C3: variants seen among roughly 807,000 people sequenced by gnomAD.
C3 encodes the protein complement C3.
A neutral mutation model predicts 207.9 loss-of-function variants in C3; 97 were observed. That is an observed-to-expected ratio of 0.47 (90% CI 0.40 to 0.55). The LOEUF (loss-of-function observed/expected upper bound fraction) is 0.55, where lower values mean the gene tolerates loss of function less well. C3 is among the 20% of genes least tolerant of loss of function. The pLI, the probability that C3 is intolerant of heterozygous loss-of-function variation, is 0.00. For synonymous variants in C3, 848 were observed against 857.6 expected (o/e 0.99, Z 0.20); for missense variants, 1,684 against 2,171.7 (o/e 0.78, Z 4.46).
At chr19:6,694,744 C>T in intron 23 of C3, 110 bp from the exon 24 acceptor site, 1 of 936,274 alleles carries the variant, frequency 1.1e-6, no homozygotes, top group East Asian at 2.6e-5. Flanking sequence ...GGGTTAGGGA[C>T]AGGCGAGGAC....
Position 6,697,720 on chromosome 19 carries a change from C to G in C3, c.2515G>C (p.Val839Leu). ...ATTTCCACCTGCTCGTTTCGAACAA[C>G]AGAGTAGGGTAGCCGCAGGTCGATG... ...FFIDLRLPYSVVRNEQVEIRA... is the reference protein window; with the variant it reads ...FFIDLRLPYSLVRNEQVEIRA... Residue 839 changes from valine (V) to leucine (L), a missense_variant, in exon 20 of 41, where the codon GTT becomes CTT. Physicochemically the swap from Val to Leu is conservative, Grantham distance 32. Around this residue, in one of 3 missense-constraint regions of C3, gnomAD observed 1,280 missense variants for 1,739.1 expected, o/e 0.74. Coordinates refer to ENST00000245907, the MANE Select transcript of C3 (RefSeq NM_000064.4). 2 of 1,614,024 alleles carry G rather than the reference C, an allele frequency of 1.2e-6. No individual in the cohort carries two copies. The highest frequency in any genetic ancestry group is 1.7e-6 in the Non-Finnish European group (2 of 1,180,002).
Position 6,713,391 on chromosome 19 carries a change from C to A in C3, c.876+16G>T, listed in dbSNP as rs764369974. ...GGGACTGGGGCAGGGATCAAAGCGGCCTCCGTCTATGGTACCGGAATGCGC... is the reference window on the plus strand; with the variant it reads ...GGGACTGGGGCAGGGATCAAAGCGGACTCCGTCTATGGTACCGGAATGCGC... On this transcript the variant is annotated intron_variant, in intron 8 of 40. Transcript: ENST00000245907. 3.1e-6 allele frequency: 5 copies of A among 1,613,568 alleles called. No individual in the cohort carries two copies. Among genetic ancestry groups the A allele is most frequent in the Admixed American group, 1.7e-5 (1 of 59,982 alleles).
rs1967571402 is a variant in C3, at chr19:6,697,771, C to T, written c.2464G>A (p.Glu822Lys). ...KKGICVADPF[E>K]VTVMQDFFID... is the part of the protein sequence containing the mutation. ...AAGAAGTCCTGCATTACTGTGACCT[C>T]GAAGGGGTCTGCCACACAGATCCCT... is the stretch of plus-strand genomic sequence containing the variant. The change falls in exon 20 of 41, where the codon GAG (glutamate) becomes AAG (lysine). Residue 822 changes from glutamate to lysine, a missense_variant. Physicochemically the swap from Glu to Lys is moderately conservative, Grantham distance 56. This residue lies in a region of C3 where 1,280 missense variants were observed against 1,739.1 expected (regional missense o/e 0.74). Coordinates refer to ENST00000245907, the MANE Select transcript of C3 (RefSeq NM_000064.4). 31 of 1,613,562 alleles carry T rather than the reference C, an allele frequency of 1.9e-5. No homozygotes were observed. The highest frequency in any genetic ancestry group is 2.4e-5 in the Non-Finnish European group (28 of 1,179,906).
chr19:6,691,756 G>A (rs566690288), intron 26 of C3, among the ~76,000 whole-genome samples: 15 of 152,146 alleles, frequency 9.9e-5, no homozygotes, highest in East Asian at 5.8e-4. Flanking sequence ...AGGCCAAGGT[G>A]GGCGGATCAC....
At chr19:6,682,261 C>G (rs1472901832) in intron 33 of C3, 32 bp from the exon 34 acceptor site, 1 of 1,559,696 alleles carries the variant, frequency 6.4e-7, no homozygotes, top group South Asian at 1.1e-5. Flanking sequence ...GCATTGGGTC[C>G]CAAGGAGGGG....
intron 19 of C3, 27 bp downstream of exon 19, chr19:6,702,100 C>G (rs111594143): frequency 7.4e-7 from 1 of 1,347,872 alleles, no homozygotes; most frequent in South Asian, 1.2e-5. Flanking sequence ...CCCTGCCTCC[C>G]GGGGACCAGC....
intron 27 of C3, among the ~76,000 whole-genome samples, chr19:6,687,433 T>C (rs956434296): frequency 6.6e-6 from 1 of 152,230 alleles, no homozygotes; most frequent in Admixed American, 6.5e-5. Context: ...TACCCACACA[T>C]TTAATCTCAT....
At chr19:6,708,458 TTTTC>T (rs920747209) in intron 14 of C3, among the ~76,000 whole-genome samples, 65 of 151,910 alleles carry the variant, frequency 4.3e-4, no homozygotes, top group Admixed American at 1.1e-3. Context: ...CTTCTTTTTC[TTTTC>T]TTTCTGTCTT....
chr19:6,703,016 A>C (rs1967706120), intron 17 of C3: 1 of 201,296 alleles, frequency 5.0e-6, no homozygotes, highest in African/African-American at 2.3e-5. Flanking sequence ...CCCAGGCGAC[A>C]GAGACAGACT....
intron 4 of C3, chr19:6,717,787 GTGT>G (rs1968070605): frequency 3.8e-6 from 2 of 528,358 alleles, no homozygotes; most frequent in Non-Finnish European, 3.5e-6. Context: ...ATTGTGTTGT[GTGT>G]TGTGTTGTGT....
chr19:6,713,977 C>A lies in C3; in HGVS notation c.773+15G>T. The A allele has an allele frequency of 1.9e-6, 3 of 1,588,294 alleles. No individual in the cohort carries two copies. Among genetic ancestry groups the A allele is most frequent in the East Asian group, 4.5e-5 (2 of 44,592 alleles). ...CTCACCTGGCTCTTACCTGGCCCCA[C>A]CCCCAGTCCCTCACCTGGCGGTGAT... On this transcript the variant is annotated intron_variant, in intron 7 of 40. Transcript: ENST00000245907.
Position 6,697,057 on chromosome 19 carries a change from CAAAT to C in C3, c.2796+283_2796+286del, listed in dbSNP as rs1237118635. On this transcript the variant is annotated intron_variant, in intron 21 of 40. Coordinates refer to ENST00000245907, the MANE Select transcript of C3 (RefSeq NM_000064.4). ...ACTCTGTCTCAAAAAAATAAACAAA[CAAAT>C]AAATAAATAAATAAAAAATTTCAAA... Among the ~76,000 whole-genome samples the C allele has an allele frequency of 3.4e-4, 40 of 116,340 alleles. 5 individuals carry two copies. Among genetic ancestry groups the C allele is most frequent in the African/African-American group, 1.1e-3 (39 of 35,150 alleles). The allele number at this position is 116,340 out of a possible 152,430, so 76.3% of individuals were successfully genotyped here. A position where few individuals can be genotyped will look rare whatever the true frequency, so the allele number is the denominator to read the frequency against.
At position 6,694,645 on chromosome 19, in the gene C3, T is replaced by C; in HGVS notation, c.2951-11A>G. 2 of 1,609,326 alleles carry C rather than the reference T, an allele frequency of 1.2e-6. No homozygotes were observed. The highest frequency in any genetic ancestry group is 1.7e-6 in the Non-Finnish European group (2 of 1,179,156). ...GGGCCACTGGGGTCCCTGCAGCAGGTGGGAAGAGGACGTTGCTCAAGCCAG... is the reference window on the plus strand; with the variant it reads ...GGGCCACTGGGGTCCCTGCAGCAGGCGGGAAGAGGACGTTGCTCAAGCCAG... On this transcript the variant is annotated splice_polypyrimidine_tract_variant and intron_variant, in intron 23 of 40. Transcript: ENST00000245907.
intron 4 of C3, 54 bp downstream of exon 4, chr19:6,718,040 T>C: frequency 1.3e-6 from 2 of 1,532,222 alleles, no homozygotes; most frequent in Admixed American, 1.7e-5. Flanking sequence ...TCGATCTCTT[T>C]GCCTCTCCTA....
rs894510697 is a variant in C3 at position 6,696,317 on chromosome 19, T to C, written c.2950+62A>G. The stretch of plus-strand genomic sequence containing the variant: ...CGGGTTAAACACCTCCAGAATGAGA[T>C]GGAATTTGGCTCCATCCATGCCCTC... On this transcript the variant is annotated intron_variant, in intron 23 of 40. Coordinates refer to ENST00000245907, the MANE Select transcript of C3 (RefSeq NM_000064.4). The C allele has an allele frequency of 2.8e-5, 29 of 1,037,842 alleles. 1 individual carries two copies. The highest frequency in any genetic ancestry group is 1.3e-4 in the African/African-American group (8 of 63,298). The allele number at this position is 1,037,842 out of a possible 1,614,324, so 64.3% of individuals were successfully genotyped here. A position where few individuals can be genotyped will look rare whatever the true frequency, so the allele number is the denominator to read the frequency against.
At chr19:6,689,919 G>A (rs1252282473) in intron 27 of C3, among the ~76,000 whole-genome samples, 3 of 152,176 alleles carry the variant, frequency 2.0e-5, no homozygotes, top group Admixed American at 2.0e-4. Flanking sequence ...GAGGCAAAGG[G>A]TGCAGTGAGC....
chr19:6,711,176 C>A lies in C3; in HGVS notation c.1290G>T (p.Glu430Asp). The change falls in exon 12 of 41, where the codon GAG becomes GAT. Residue 430 changes from glutamate to aspartate, a missense_variant. This residue lies in a region of C3 where 1,280 missense variants were observed against 1,739.1 expected (regional missense o/e 0.74). Transcript: ENST00000245907. ...TGGTAGCCTGCTCTGCCTCCGAGAG[C>A]TCCTGCTTCTTCGTGCGCACCTGGG... ...LSITVRTKKQ[E>D]LSEAEQATRT... 6.2e-7 allele frequency: 1 copy of A among 1,613,416 alleles called. No homozygotes were observed. Among genetic ancestry groups the A allele is most frequent in the Non-Finnish European group, 8.5e-7 (1 of 1,179,996 alleles).
intron 27 of C3, among the ~76,000 whole-genome samples, chr19:6,689,982 A>G (rs976670389): frequency 1.3e-5 from 2 of 152,106 alleles, no homozygotes; most frequent in Non-Finnish European, 2.9e-5. Context: ...ACTCCATCAC[A>G]AAAAATAAAC....
chr19:6,698,624 G>A (rs1052919828), intron 19 of C3, among the ~76,000 whole-genome samples: 9 of 151,950 alleles, frequency 5.9e-5, no homozygotes, highest in African/African-American at 2.2e-4. Flanking sequence ...CAGGAGGATT[G>A]CTTGAGCCCA....
Sources: gnomAD v4.1 joint callset for allele counts (sites outside exome capture counted in the v4.1 genomes callset) on GRCh38, gnomAD v4.1.1 for gene constraint, gnomAD v4.1.1 regional missense constraint, MANE v1.5 for transcripts, NCBI Gene and HGNC (gene_info 2026-07-23, HGNC 2026-07-21) for gene names.